The following SAMD12 variants were observed in gnomAD, a reference collection of about 807,000 sequenced individuals.
SAMD12 encodes sterile alpha motif domain-containing protein 12.
SAMD12 carries 9 observed loss-of-function variants against 15.0 expected under a neutral mutation model. The ratio of observed to expected loss-of-function variants is 0.60; its 90% CI spans 0.36 to 1.05. The LOEUF (loss-of-function observed/expected upper bound fraction) is 1.05, where lower values mean the gene tolerates loss of function less well. SAMD12 is among the 50% of genes least tolerant of loss of function. SAMD12 has a pLI of 0.01. For missense variants in SAMD12, 230 were observed against 234.2 expected (o/e 0.98, Z 0.12); for synonymous variants, 86 against 90.1 (o/e 0.96, Z 0.25).
At chr8:118,308,536 G>A (rs1259422160) in intron 4 of SAMD12, among the ~76,000 whole-genome samples, 1 of 152,092 alleles carries the variant, frequency 6.6e-6, no homozygotes, top group African/African-American at 2.4e-5. Context: ...TGAGATATGA[G>A]CAATACTCAC....
chr8:118,347,360 G>C (rs1817717007), intron 4 of SAMD12, among the ~76,000 whole-genome samples: 1 of 152,198 alleles, frequency 6.6e-6, no homozygotes, highest in African/African-American at 2.4e-5. Context: ...AACCATTCTG[G>C]TTAGGGAGTG....
chr8:118,567,557 G>C (rs1826885509), intron 2 of SAMD12, among the ~76,000 whole-genome samples: 1 of 152,104 alleles, frequency 6.6e-6, no homozygotes, highest in African/African-American at 2.4e-5. Flanking sequence ...CCTAAACTGA[G>C]GAATTATCTA....
At chr8:118,208,731 A>G (rs1819936502) in intron 4 of SAMD12, among the ~76,000 whole-genome samples, 1 of 152,242 alleles carries the variant, frequency 6.6e-6, no homozygotes, top group South Asian at 2.1e-4. Context: ...ATGGTTATGT[A>G]TGCCTGGTGG....
chr8:118,176,896 C>T, the SAMD12 span, among the ~76,000 whole-genome samples: 1 of 152,090 alleles, frequency 6.6e-6, no homozygotes, highest in African/African-American at 2.4e-5. Flanking sequence ...AAATGTCCTT[C>T]ATAGCTGTTT....
chr8:118,557,629 T>C (rs2131201829), intron 2 of SAMD12, among the ~76,000 whole-genome samples: 1 of 152,328 alleles, frequency 6.6e-6, no homozygotes, highest in Admixed American at 6.5e-5. Context: ...ATGTAGCTAA[T>C]ATGTATATTT....
chr8:118,517,271 T>G (rs1825270041), intron 2 of SAMD12, among the ~76,000 whole-genome samples: 1 of 152,200 alleles, frequency 6.6e-6, no homozygotes, highest in South Asian at 2.1e-4. Flanking sequence ...ACAGACAGAT[T>G]ACATCAGTGC....
intron 4 of SAMD12, chr8:118,291,190 TAC>T (rs1184629909): frequency 3.9e-5 from 6 of 152,360 alleles, no homozygotes; most frequent in African/African-American, 1.4e-4. Context: ...TCTTTATACA[TAC>T]ACCTTTTCTT....
At chr8:118,436,816 C>T (rs542743715) in intron 3 of SAMD12, among the ~76,000 whole-genome samples, 4 of 152,166 alleles carry the variant, frequency 2.6e-5, no homozygotes, top group Non-Finnish European at 4.4e-5. Flanking sequence ...CAGGGCAACA[C>T]TTGGAAAAGA....
At chr8:118,494,944 T>A (rs1163094871) in intron 2 of SAMD12, among the ~76,000 whole-genome samples, 2 of 152,196 alleles carry the variant, frequency 1.3e-5, no homozygotes, top group Non-Finnish European at 2.9e-5. Flanking sequence ...GTCACCTGTG[T>A]CATCATAAGC....
intron 1 of SAMD12, among the ~76,000 whole-genome samples, chr8:118,619,436 G>T (rs367840530): frequency 2.9e-5 from 4 of 139,596 alleles, no homozygotes; most frequent in Non-Finnish European, 6.0e-5. Flanking sequence ...CTGAGACCGC[G>T]CCACTGTACT....
intron 4 of SAMD12, among the ~76,000 whole-genome samples, chr8:118,232,411 A>C (rs1444003987): frequency 6.6e-6 from 1 of 152,158 alleles, no homozygotes; most frequent in Non-Finnish European, 1.5e-5. Flanking sequence ...GGCAAGAAAG[A>C]ACATGGGGTA....
intron 2 of SAMD12, among the ~76,000 whole-genome samples, chr8:118,453,396 A>G (rs557170157): frequency 1.3e-5 from 2 of 152,292 alleles, no homozygotes; most frequent in Non-Finnish European, 2.9e-5. Flanking sequence ...ACAATCACAA[A>G]TAAGTTTCCC....
intron 2 of SAMD12, among the ~76,000 whole-genome samples, chr8:118,499,860 T>A (rs1181225116): frequency 6.6e-6 from 1 of 151,978 alleles, no homozygotes; most frequent in Non-Finnish European, 1.5e-5. Flanking sequence ...ATCAACAGAG[T>A]TGTCAGGGGT....
At chr8:118,364,504 T>C (rs948986512) in intron 4 of SAMD12, among the ~76,000 whole-genome samples, 20 of 152,078 alleles carry the variant, frequency 1.3e-4, no homozygotes, top group African/African-American at 4.8e-4. Flanking sequence ...CCAAAAGGAG[T>C]TTGACTCAGA....
chr8:118,415,076 A>AC (rs1821612542), intron 3 of SAMD12, among the ~76,000 whole-genome samples: 1 of 152,230 alleles, frequency 6.6e-6, no homozygotes, highest in Non-Finnish European at 1.5e-5. Context: ...GATAAGGGAT[A>AC]CCCACTGAAA....
intron 3 of SAMD12, among the ~76,000 whole-genome samples, chr8:118,414,413 A>AAAT (rs1821582141): frequency 6.6e-6 from 1 of 152,190 alleles, no homozygotes; most frequent in African/African-American, 2.4e-5. Flanking sequence ...GAGAAATAGG[A>AAAT]AATAATCTTT....
At chr8:118,567,958 TAGATATGGCTGTTAGTATCAA>T (rs2131226603) in intron 2 of SAMD12, among the ~76,000 whole-genome samples, 1 of 152,350 alleles carries the variant, frequency 6.6e-6, no homozygotes, top group African/African-American at 2.4e-5. Context: ...TTCCATGTAT[TAGATATGGCTGTTAGTATCAA>T]AGACATGTCA....
At chr8:118,168,147 A>G in the SAMD12 span, among the ~76,000 whole-genome samples, 299 of 152,254 alleles carry the variant, frequency 2.0e-3, no homozygotes, top group Non-Finnish European at 3.1e-3. Flanking sequence ...GTGGAACTGT[A>G]AGTCAAATTA....
intron 4 of SAMD12, among the ~76,000 whole-genome samples, chr8:118,365,403 T>G (rs1331222115): frequency 6.6e-6 from 1 of 152,192 alleles, no homozygotes; most frequent in East Asian, 1.9e-4. Context: ...CCCTCACCCA[T>G]GTAGGTGGAA....
Sources: gnomAD v4.1 joint callset for allele counts (sites outside exome capture counted in the v4.1 genomes callset) on GRCh38, gnomAD v4.1.1 for gene constraint, MANE v1.5 for transcripts, NCBI Gene and HGNC (gene_info 2026-07-23, HGNC 2026-07-21) for gene names.